Variants in SNX18 observed in about 807,000 individuals in gnomAD.
SNX18 encodes sorting nexin 18, also known as sorting nexin-18.
SNX18 carries 35 observed loss-of-function variants against 48.7 expected under a neutral mutation model. The ratio of observed to expected loss-of-function variants is 0.72; its 90% CI spans 0.55 to 0.95. The LOEUF (loss-of-function observed/expected upper bound fraction) is 0.95. SNX18 is among the 40% of genes least tolerant of loss of function. The probability of loss-of-function intolerance (pLI) is 0.00; values close to 1 mark genes in which losing one functional copy is unlikely to be tolerated. For synonymous variants in SNX18, 492 were observed against 384.7 expected (o/e 1.28, Z -3.26); for missense variants, 824 against 871.0 (o/e 0.95, Z 0.68).
At chr5:54,589,697 G>A in the SNX18 span, among the ~76,000 whole-genome samples, 3 of 152,324 alleles carry the variant, frequency 2.0e-5, no homozygotes, top group South Asian at 4.1e-4. Context: ...ACCTTTGAAA[G>A]TGAAGATGCT....
At chr5:54,588,990 G>T in the SNX18 span, among the ~76,000 whole-genome samples, 1 of 152,260 alleles carries the variant, frequency 6.6e-6, no homozygotes, top group African/African-American at 2.4e-5. Context: ...GTTTATATAA[G>T]AGAAAAATAA....
At chr5:54,572,726 T>TTGTGTGTGTG in the SNX18 span, among the ~76,000 whole-genome samples, 155 of 38,666 alleles carry the variant, frequency 4.0e-3, 4 homozygotes, top group African/African-American at 0.011. Context: ...CTCCTCCAAA[T>TTGTGTGTGTG]TGTGTGTGTG....
At chr5:54,586,154 A>G in the SNX18 span, among the ~76,000 whole-genome samples, 1 of 152,226 alleles carries the variant, frequency 6.6e-6, no homozygotes, top group South Asian at 2.1e-4. Context: ...ATGGAGAAGA[A>G]TGGCCCTCAA....
the SNX18 span, among the ~76,000 whole-genome samples, chr5:54,610,303 C>T: frequency 1.3e-5 from 2 of 152,160 alleles, no homozygotes; most frequent in Non-Finnish European, 2.9e-5. Flanking sequence ...GTGTGTATAG[C>T]ACTCCGTGGT....
At chr5:54,621,992 G>A in the SNX18 span, among the ~76,000 whole-genome samples, 1 of 152,194 alleles carries the variant, frequency 6.6e-6, no homozygotes, top group Non-Finnish European at 1.5e-5. Context: ...TAATAATCCG[G>A]TCTGAATAGT....
the SNX18 span, among the ~76,000 whole-genome samples, chr5:54,606,750 A>T: frequency 6.6e-6 from 1 of 152,240 alleles, no homozygotes; most frequent in African/African-American, 2.4e-5. Flanking sequence ...TTAGTATAAT[A>T]TCACAACCAG....
chr5:54,618,810 T>G, the SNX18 span, among the ~76,000 whole-genome samples: 4 of 147,630 alleles, frequency 2.7e-5, no homozygotes, highest in Middle Eastern at 3.5e-3. Context: ...AGTTATAATT[T>G]AAAGTGTGTG....
intron 1 of SNX18, among the ~76,000 whole-genome samples, chr5:54,532,551 G>T (rs1762269019): frequency 6.6e-6 from 1 of 152,046 alleles, no homozygotes; most frequent in African/African-American, 2.4e-5. Context: ...TTTAAGAAAA[G>T]AAACAATACA....
the SNX18 span, among the ~76,000 whole-genome samples, chr5:54,606,694 G>A: frequency 6.6e-5 from 10 of 152,148 alleles, no homozygotes; most frequent in Non-Finnish European, 1.0e-4. Flanking sequence ...GCTAGATCTC[G>A]TGTATTCTTC....
downstream of SNX18, among the ~76,000 whole-genome samples, chr5:54,551,092 GA>G (rs936607851): frequency 5.4e-5 from 8 of 147,014 alleles, no homozygotes; most frequent in South Asian, 2.2e-4. Context: ...AAAAAAAAAA[GA>G]AAAAAAAAGA....
chr5:54,585,656 G>A, the SNX18 span, among the ~76,000 whole-genome samples: 1 of 151,954 alleles, frequency 6.6e-6, no homozygotes, highest in African/African-American at 2.4e-5. Flanking sequence ...TGTAGCAGGA[G>A]GATAAAAAAA....
chr5:54,634,685 CA>C, the SNX18 span, among the ~76,000 whole-genome samples: 1 of 152,030 alleles, frequency 6.6e-6, no homozygotes, highest in Non-Finnish European at 1.5e-5. Context: ...AGCACACCTT[CA>C]CTTACAGTTA....
the SNX18 span, among the ~76,000 whole-genome samples, chr5:54,590,751 C>A: frequency 2.0e-5 from 3 of 152,106 alleles, no homozygotes; most frequent in Non-Finnish European, 4.4e-5. Context: ...TTTTCTCAGA[C>A]AGTCCCCTGC....
At chr5:54,597,686 A>G in the SNX18 span, among the ~76,000 whole-genome samples, 1 of 152,208 alleles carries the variant, frequency 6.6e-6, no homozygotes, top group Admixed American at 6.6e-5. Context: ...AGTTCTTTGA[A>G]ACCAATGAAA....
At chr5:54,589,057 A>G in the SNX18 span, among the ~76,000 whole-genome samples, 1 of 152,304 alleles carries the variant, frequency 6.6e-6, no homozygotes, top group African/African-American at 2.4e-5. Flanking sequence ...CACTAATCTT[A>G]TCTTATAGAA....
the SNX18 span, among the ~76,000 whole-genome samples, chr5:54,632,397 T>C: frequency 4.6e-5 from 7 of 152,316 alleles, no homozygotes; most frequent in African/African-American, 9.6e-5. Flanking sequence ...CATTGAGCTG[T>C]TGGCACCAGC....
At chr5:54,592,770 T>C in the SNX18 span, among the ~76,000 whole-genome samples, 1 of 152,170 alleles carries the variant, frequency 6.6e-6, no homozygotes, top group Non-Finnish European at 1.5e-5. Flanking sequence ...CATTTCTGCC[T>C]CTTGCTGAGT....
At chr5:54,519,597 G>A in intron 1 of SNX18, 24 bp downstream of exon 1, 1 of 1,614,214 alleles carries the variant, frequency 6.2e-7, no homozygotes. Flanking sequence ...CTTAGAGCAG[G>A]TGATATGGAG....
chr5:54,538,967 C>T (rs949752269), intron 1 of SNX18, among the ~76,000 whole-genome samples: 1 of 152,206 alleles, frequency 6.6e-6, no homozygotes, highest in African/African-American at 2.4e-5. Context: ...CGTAGCTCTC[C>T]TTACTCTTTA....
Sources: gnomAD v4.1 joint callset for allele counts (sites outside exome capture counted in the v4.1 genomes callset) on GRCh38, gnomAD v4.1.1 for gene constraint, MANE v1.5 for transcripts, NCBI Gene and HGNC (gene_info 2026-07-23, HGNC 2026-07-21) for gene names.